TSHZ2: variants seen among roughly 807,000 people sequenced by gnomAD.
TSHZ2 encodes the protein teashirt homolog 2.
Under a neutral mutation model 74.4 loss-of-function variants are expected in TSHZ2, and 21 were observed. The observed-to-expected ratio is 0.28, with a 90% CI of 0.20 to 0.41. The LOEUF is 0.41. Ranked by LOEUF, TSHZ2 falls within the 10% of genes least tolerant of loss-of-function variation. The pLI, the probability that TSHZ2 is intolerant of heterozygous loss-of-function variation, is 1.00. For synonymous variants in TSHZ2, 540 were observed against 515.3 expected, an observed-to-expected ratio of 1.05 and a Z score of -0.65; for missense variants, 1,244 against 1,293.5, an observed-to-expected ratio of 0.96 and a Z score of 0.59.
chr20:52,996,524 G>GGA (rs1167119519), intron 1 of TSHZ2, among the ~76,000 whole-genome samples: 4 of 152,100 alleles, frequency 2.6e-5, no homozygotes, highest in African/African-American at 7.2e-5. Context: ...TAAAAAGCCT[G>GGA]GAGGAATATG....
chr20:53,474,367 A>G (rs1413969318), intron 2 of TSHZ2, among the ~76,000 whole-genome samples: 3 of 125,416 alleles, frequency 2.4e-5, no homozygotes, highest in Non-Finnish European at 4.9e-5. Flanking sequence ...ATTCTTAAAG[A>G]AAAGAATTTT....
chr20:53,401,875 C>T (rs552751594), intron 2 of TSHZ2, among the ~76,000 whole-genome samples: 17 of 150,676 alleles, frequency 1.1e-4, no homozygotes, highest in Non-Finnish European at 2.1e-4. Context: ...TTCCGCCTCC[C>T]GGGTTCACGC....
chr20:53,034,516 T>C (rs1568729179), intron 1 of TSHZ2, among the ~76,000 whole-genome samples: 1 of 152,176 alleles, frequency 6.6e-6, no homozygotes, highest in Non-Finnish European at 1.5e-5. Context: ...GGACAATAAA[T>C]AACCATGATG....
chr20:53,251,597 G>A (rs1023470267), intron 1 of TSHZ2, among the ~76,000 whole-genome samples: 1 of 152,030 alleles, frequency 6.6e-6, no homozygotes. Context: ...GACCAGTAAC[G>A]CCAATTTAAT....
intron 2 of TSHZ2, among the ~76,000 whole-genome samples, chr20:53,444,579 T>A (rs558006119): frequency 6.6e-6 from 1 of 152,318 alleles, no homozygotes; most frequent in East Asian, 1.9e-4. Context: ...CCTGTCAGCA[T>A]TTCAAGGACA....
intron 1 of TSHZ2, among the ~76,000 whole-genome samples, chr20:53,198,684 T>C (rs1988931529): frequency 6.6e-6 from 1 of 152,182 alleles, no homozygotes; most frequent in Admixed American, 6.5e-5. Flanking sequence ...TTACTTTACC[T>C]TTGAAATAAC....
intron 1 of TSHZ2, among the ~76,000 whole-genome samples, chr20:53,234,838 G>T (rs1219815575): frequency 6.6e-6 from 1 of 152,170 alleles, no homozygotes; most frequent in Non-Finnish European, 1.5e-5. Flanking sequence ...GCCATGGTGA[G>T]AACATTGACT....
intron 1 of TSHZ2, among the ~76,000 whole-genome samples, chr20:53,105,101 G>T (rs925804318): frequency 6.6e-6 from 1 of 152,194 alleles, no homozygotes; most frequent in Non-Finnish European, 1.5e-5. Context: ...TCACTCCCAA[G>T]AGAGCTAGCT....
chr20:53,249,305 A>G (rs1055977264), intron 1 of TSHZ2, among the ~76,000 whole-genome samples: 1 of 152,198 alleles, frequency 6.6e-6, no homozygotes, highest in Non-Finnish European at 1.5e-5. Flanking sequence ...TTACTGTGTA[A>G]TCTATTCATT....
At chr20:53,235,452 G>T (rs769375290) in intron 1 of TSHZ2, among the ~76,000 whole-genome samples, 43 of 152,088 alleles carry the variant, frequency 2.8e-4, no homozygotes, top group African/African-American at 9.4e-4. Context: ...TTACAGGTGC[G>T]AGCCACCACC....
At chr20:53,454,239 G>A (rs1357076285) in intron 2 of TSHZ2, among the ~76,000 whole-genome samples, 1 of 152,026 alleles carries the variant, frequency 6.6e-6, no homozygotes, top group Non-Finnish European at 1.5e-5. Flanking sequence ...GACTTCTTTG[G>A]CTGTCTGATG....
At chr20:53,205,778 G>C (rs138462090) in intron 1 of TSHZ2, among the ~76,000 whole-genome samples, 8 of 152,286 alleles carry the variant, frequency 5.3e-5, no homozygotes, top group African/African-American at 1.7e-4. Context: ...AAAATATTCA[G>C]TAACACTTGT....
chr20:53,311,634 C>CAAGAGT (rs1475810277), intron 2 of TSHZ2, among the ~76,000 whole-genome samples: 1 of 152,218 alleles, frequency 6.6e-6, no homozygotes, highest in Non-Finnish European at 1.5e-5. Flanking sequence ...TTTTGAAGAG[C>CAAGAGT]TGCAGAAAAC....
intron 1 of TSHZ2, among the ~76,000 whole-genome samples, chr20:53,032,983 AG>A (rs1983692025): frequency 6.6e-6 from 1 of 152,216 alleles, no homozygotes; most frequent in Non-Finnish European, 1.5e-5. Flanking sequence ...GTATGTACAA[AG>A]GGACATAAAC....
At chr20:53,230,193 C>G (rs575699001) in intron 1 of TSHZ2, among the ~76,000 whole-genome samples, 1 of 152,212 alleles carries the variant, frequency 6.6e-6, no homozygotes, top group African/African-American at 2.4e-5. Context: ...GATGATATCT[C>G]TCTATACTGT....
intron 1 of TSHZ2, among the ~76,000 whole-genome samples, chr20:53,134,656 C>T (rs375667925): frequency 6.6e-6 from 1 of 152,164 alleles, no homozygotes; most frequent in East Asian, 1.9e-4. Context: ...CTTAACAATT[C>T]GGCAGCTACA....
chr20:53,477,852 G>T (rs974927224), intron 2 of TSHZ2, among the ~76,000 whole-genome samples: 3 of 150,384 alleles, frequency 2.0e-5, no homozygotes, highest in Non-Finnish European at 4.4e-5. Flanking sequence ...GTGGGCGAAG[G>T]ACATGAACAG....
chr20:53,163,358 C>CCCTTT (rs1987987532), intron 1 of TSHZ2, among the ~76,000 whole-genome samples: 1 of 63,106 alleles, frequency 1.6e-5, no homozygotes, highest in Non-Finnish European at 3.0e-5. Flanking sequence ...CGCTCTCTGT[C>CCCTTT]TCTTTTTTTT....
intron 1 of TSHZ2, among the ~76,000 whole-genome samples, chr20:53,076,470 A>C (rs906666314): frequency 6.6e-6 from 1 of 152,190 alleles, no homozygotes; most frequent in African/African-American, 2.4e-5. Context: ...CTCACAATCT[A>C]GTGGGGAAAC....
Sources: allele counts gnomAD v4.1 joint callset (sites outside exome capture counted in the v4.1 genomes callset), GRCh38; gene constraint gnomAD v4.1.1; transcripts MANE v1.5; gene names NCBI Gene and HGNC (gene_info 2026-07-23, HGNC 2026-07-21).